The following PLEKHH2 variants were observed in gnomAD, a reference collection of about 807,000 sequenced individuals.
PLEKHH2 encodes pleckstrin homology domain-containing family H member 2.
PLEKHH2 carries 129 observed loss-of-function variants against 187.9 expected under a neutral mutation model. The ratio of observed to expected loss-of-function variants is 0.69; its 90% CI spans 0.59 to 0.79. The LOEUF (loss-of-function observed/expected upper bound fraction) is 0.79, where lower values mean the gene tolerates loss of function less well. Ranked by LOEUF, PLEKHH2 falls within the 30% of genes least tolerant of loss-of-function variation. The probability of loss-of-function intolerance (pLI) is 0.00; values close to 1 mark genes in which losing one functional copy is unlikely to be tolerated. For missense variants in PLEKHH2, 2,076 were observed against 1,751.2 expected (o/e 1.19, Z -3.31); for synonymous variants, 686 against 605.6 (o/e 1.13, Z -1.95).
intron 3 of PLEKHH2, among the ~76,000 whole-genome samples, chr2:43,689,018 G>A (rs1245766671): frequency 6.6e-6 from 1 of 152,058 alleles, no homozygotes; most frequent in Non-Finnish European, 1.5e-5. Flanking sequence ...ACAAAAACAG[G>A]CACTCACCAT....
rs560886992 is a variant in PLEKHH2, at chr2:43,656,470, C to T, written c.123+11674C>T. 9.9e-5 allele frequency among the ~76,000 whole-genome samples: 15 copies of T among 151,706 alleles called. No individual in the cohort carries two copies. The East Asian group carries it at 2.3e-3, about 24-fold the overall frequency. On this transcript the variant is annotated intron_variant, in intron 2 of 29. Transcript: ENST00000282406. ...GCTAAGAGAAGATATGAAGATATTC[C>T]TAGAAGCTGCATGTCAAAATGAGAG...
chr2:43,673,503 C>A (rs1414034466), intron 2 of PLEKHH2, among the ~76,000 whole-genome samples: 1 of 152,134 alleles, frequency 6.6e-6, no homozygotes, highest in Non-Finnish European at 1.5e-5. Context: ...GTTATATTAT[C>A]CACATTTTAT....
intron 6 of PLEKHH2, among the ~76,000 whole-genome samples, 157 bp downstream of exon 6, chr2:43,695,381 C>T (rs115072531): frequency 0.017 from 2,630 of 152,218 alleles, 21 homozygotes; most frequent in Non-Finnish European, 0.026. Flanking sequence ...GTCCTGCATT[C>T]GAGTGAATGT....
At chr2:43,765,267 G>A in intron 29 of PLEKHH2, 146 bp from the exon 30 acceptor site, 1 of 666,728 alleles carries the variant, frequency 1.5e-6, no homozygotes. Context: ...GGACATGTAA[G>A]CACTTCATTG....
intron 3 of PLEKHH2, chr2:43,681,466 CTT>C: frequency 6.5e-7 from 1 of 1,545,854 alleles, no homozygotes; most frequent in South Asian, 1.2e-5. Context: ...TCTTCCTCTC[CTT>C]TTCCATCATC....
Position 43,740,941 on chromosome 2 carries a change from C to A in PLEKHH2, c.3124-5C>A, listed in dbSNP as rs1344194252. On this transcript the variant is annotated splice_polypyrimidine_tract_variant and splice_region_variant and intron_variant, in intron 20 of 29. Transcript: ENST00000282406. ...ATCTAACCTGTGGTGCTTCTCCCTG[C>A]CCAGGGCTGGCAGCTCTTGGCACTC... 4 of 1,613,222 alleles carry A rather than the reference C, an allele frequency of 2.5e-6. No homozygotes were observed. Among genetic ancestry groups the A allele is most frequent in the Non-Finnish European group, 2.5e-6 (3 of 1,179,616 alleles).
At chr2:43,749,861 A>G (rs1383217703) in intron 24 of PLEKHH2, among the ~76,000 whole-genome samples, 2 of 152,226 alleles carry the variant, frequency 1.3e-5, no homozygotes, top group South Asian at 2.1e-4. Flanking sequence ...TAAAATATCA[A>G]TTCTCTTTAT....
At position 43,720,693 on chromosome 2, in the gene PLEKHH2, G is replaced by C; in HGVS notation, c.2485G>C (p.Val829Leu). ...GGTAAAACATGGATATTCCAAGAGA[G>C]TCTGGTGTACACTAATAGGAAAGAC... ...TKVKHGYSKR[V>L]WCTLIGKTLY... Residue 829 changes from valine to leucine, a missense_variant, in exon 16 of 30, where the codon GTC becomes CTC. Val to Leu is a conservative substitution (Grantham distance 32). Coordinates refer to ENST00000282406, the MANE Select transcript of PLEKHH2 (RefSeq NM_172069.4). The C allele has an allele frequency of 6.2e-7, 1 of 1,610,320 alleles. No individual in the cohort carries two copies. The highest frequency in any genetic ancestry group is 8.5e-7 in the Non-Finnish European group (1 of 1,178,768).
In PLEKHH2 at chr2:43,681,410, T is replaced by A. The variant is rs189490461; in HGVS notation, c.186+2485T>A. ...GTTCTTGTCGACTTTGTTCTTTCCT[T>A]TGTTTTATTAATTGAATGAGTTCCT... On this transcript the variant is annotated intron_variant, in intron 3 of 29. Coordinates refer to ENST00000282406, the MANE Select transcript of PLEKHH2 (RefSeq NM_172069.4). 3.0e-5 allele frequency: 46 copies of A among 1,548,670 alleles called. No homozygotes were observed. The Middle Eastern group carries it at 5.7e-4, about 19-fold the overall frequency.
At chr2:43,647,680 G>T (rs987657401) in intron 2 of PLEKHH2, among the ~76,000 whole-genome samples, 2 of 152,112 alleles carry the variant, frequency 1.3e-5, no homozygotes, top group Non-Finnish European at 2.9e-5. Context: ...GACTGGTCTG[G>T]TCCTATCCAC....
intron 2 of PLEKHH2, among the ~76,000 whole-genome samples, chr2:43,677,151 C>T (rs1283594570): frequency 6.6e-6 from 1 of 151,592 alleles, no homozygotes; most frequent in African/African-American, 2.4e-5. Context: ...CTGTATTTAA[C>T]TCATCTCCAG....
intron 3 of PLEKHH2, chr2:43,680,333 A>T (rs565167092): frequency 2.0e-5 from 3 of 151,882 alleles, no homozygotes; most frequent in South Asian, 2.1e-4. Flanking sequence ...CATGCTAATT[A>T]CCTTGATTTG....
At chr2:43,675,251 C>A in intron 2 of PLEKHH2, 1 of 561,004 alleles carries the variant, frequency 1.8e-6, no homozygotes, top group Non-Finnish European at 2.9e-6. Flanking sequence ...CATCTTCATA[C>A]TGTTTTCTAA....
chr2:43,680,126 C>G (rs981059111), intron 3 of PLEKHH2, among the ~76,000 whole-genome samples: 3 of 152,064 alleles, frequency 2.0e-5, no homozygotes, highest in Non-Finnish European at 4.4e-5. Context: ...GAAAAGATCT[C>G]AGTCATATTC....
chr2:43,663,941 T>C (rs1265002482), intron 2 of PLEKHH2, among the ~76,000 whole-genome samples: 1 of 120,234 alleles, frequency 8.3e-6, no homozygotes, highest in Non-Finnish European at 1.8e-5. Context: ...GAAAAAAACA[T>C]ATATTCTGTT....
chr2:43,682,605 A>C (rs547956363), intron 3 of PLEKHH2, among the ~76,000 whole-genome samples: 1 of 152,234 alleles, frequency 6.6e-6, no homozygotes, highest in South Asian at 2.1e-4. Context: ...GTGCCCAGCC[A>C]AAATTAACAT....
At chr2:43,739,984 G>C (rs940173963) in intron 20 of PLEKHH2, among the ~76,000 whole-genome samples, 7 of 152,144 alleles carry the variant, frequency 4.6e-5, no homozygotes, top group African/African-American at 1.7e-4. Context: ...ATAATTTACT[G>C]TTTAAATATA....
chr2:43,684,256 A>C (rs1668383293), intron 3 of PLEKHH2, among the ~76,000 whole-genome samples: 1 of 139,230 alleles, frequency 7.2e-6, no homozygotes. Context: ...GTGTTTTCTG[A>C]CTTTGGCCTT....
At chr2:43,713,911 C>T (rs990572153) in intron 15 of PLEKHH2, among the ~76,000 whole-genome samples, 1 of 151,956 alleles carries the variant, frequency 6.6e-6, no homozygotes, top group African/African-American at 2.4e-5. Context: ...AAAGACTGAC[C>T]AACTATAGCA....
Sources: allele counts gnomAD v4.1 joint callset (sites outside exome capture counted in the v4.1 genomes callset), GRCh38; gene constraint gnomAD v4.1.1; transcripts MANE v1.5; gene names NCBI Gene and HGNC (gene_info 2026-07-23, HGNC 2026-07-21).